Variants in RANBP3L observed in about 807,000 individuals in gnomAD.
RANBP3L encodes the protein ran-binding protein 3-like.
In RANBP3L, 56 loss-of-function variants were observed where a neutral mutation model predicts 67.2. The observed-to-expected ratio is 0.83, with a 90% CI of 0.67 to 1.04. The LOEUF is 1.04. Ranked by LOEUF, RANBP3L falls within the 50% of genes least tolerant of loss-of-function variation. The pLI, the probability that RANBP3L is intolerant of heterozygous loss-of-function variation, is 0.00. For missense variants in RANBP3L, 496 were observed against 535.5 expected (o/e 0.93, Z 0.73); for synonymous variants, 164 against 181.4 (o/e 0.90, Z 0.77).
intron 6 of RANBP3L, among the ~76,000 whole-genome samples, chr5:36,262,949 C>T (rs541095477): frequency 6.6e-6 from 1 of 152,192 alleles, no homozygotes; most frequent in East Asian, 1.9e-4. Flanking sequence ...TTAATCTATA[C>T]ATAGTAAGTA....
At chr5:36,290,258 C>A (rs993102386) in intron 1 of RANBP3L, among the ~76,000 whole-genome samples, 5 of 146,092 alleles carry the variant, frequency 3.4e-5, no homozygotes, top group African/African-American at 1.3e-4. Context: ...CACTCCATTG[C>A]ACAGGCTGGA....
At chr5:36,268,875 A>AT (rs1051344416) in intron 4 of RANBP3L, among the ~76,000 whole-genome samples, 6 of 151,570 alleles carry the variant, frequency 4.0e-5, no homozygotes, top group African/African-American at 7.3e-5. Flanking sequence ...TGCCCAGCTA[A>AT]TTTTTTTTGT....
At chr5:36,287,085 G>A (rs34005569) in intron 1 of RANBP3L, among the ~76,000 whole-genome samples, 3 of 151,824 alleles carry the variant, frequency 2.0e-5, no homozygotes, top group Non-Finnish European at 2.9e-5. Flanking sequence ...AAACTGCCCC[G>A]CCTCAGATCA....
chr5:36,295,305 G>A (rs1178047772), intron 1 of RANBP3L, among the ~76,000 whole-genome samples: 1 of 151,872 alleles, frequency 6.6e-6, no homozygotes, highest in Non-Finnish European at 1.5e-5. Flanking sequence ...CTGAATCATG[G>A]GGGCTGTTAC....
chr5:36,289,686 G>A (rs1751572489), intron 1 of RANBP3L, among the ~76,000 whole-genome samples: 1 of 151,926 alleles, frequency 6.6e-6, no homozygotes, highest in South Asian at 2.1e-4. Context: ...CTTGTTGTCA[G>A]CTAATATATA....
Position 36,269,392 on chromosome 5 carries a change from C to T in RANBP3L, c.266G>A (p.Gly89Glu), listed in dbSNP as rs778125250. The change falls in exon 4 of 14, where the codon GGA becomes GAA. Residue 89 changes from glycine to glutamate, a missense_variant and splice_region_variant. Physicochemically the swap from Gly to Glu is moderately conservative, Grantham distance 98. Coordinates refer to ENST00000296604, the MANE Select transcript of RANBP3L (RefSeq NM_145000.5). ...TCAACAGTCAAGGCTATACATACCTCCCTGGGACTGAGAATCTGTAATATG... is the reference window on the plus strand; with the variant it reads ...TCAACAGTCAAGGCTATACATACCTTCCTGGGACTGAGAATCTGTAATATG... Reference protein sequence around the residue: ...TFHITDSQSQGVRKNNVFMTS... With the variant: ...TFHITDSQSQEVRKNNVFMTS... 3 of 1,534,672 alleles carry T rather than the reference C, an allele frequency of 2.0e-6. No individual in the cohort carries two copies. Among genetic ancestry groups the T allele is most frequent in the South Asian group, 1.1e-5 (1 of 89,266 alleles).
intron 1 of RANBP3L, among the ~76,000 whole-genome samples, chr5:36,274,751 C>T (rs1225610897): frequency 6.6e-6 from 1 of 151,946 alleles, no homozygotes; most frequent in African/African-American, 2.4e-5. Context: ...TCACCCCTCC[C>T]GCGGTGATGA....
chr5:36,265,272 C>A (rs1162100740), intron 5 of RANBP3L, among the ~76,000 whole-genome samples, 174 bp from the exon 6 acceptor site: 1 of 152,188 alleles, frequency 6.6e-6, no homozygotes, highest in African/African-American at 2.4e-5. Flanking sequence ...CCCTGCCTAG[C>A]TTTTGCCCAA....
rs1449514717 is a variant in RANBP3L at position 36,257,537 on chromosome 5, T to C, written c.689A>G (p.Gln230Arg). The C allele has an allele frequency of 6.3e-7, 1 of 1,575,306 alleles. No individual in the cohort carries two copies. The highest frequency in any genetic ancestry group is 8.7e-7 in the Non-Finnish European group (1 of 1,154,506). The change falls in exon 9 of 14, where the codon CAG (glutamine) becomes CGG (arginine). Residue 230 changes from glutamine to arginine, a missense_variant. Transcript: ENST00000296604. Reference sequence around the variant, plus strand: ...ATATGAATCATTTTCAAGTTGAGGCTGGGTGAGTTTTTGAGTACCCTGAGA... The same window carrying C: ...ATATGAATCATTTTCAAGTTGAGGCCGGGTGAGTTTTTGAGTACCCTGAGA... ...ERVLGTQKLTQPQLENDSYAK... is the reference protein window; with the variant it reads ...ERVLGTQKLTRPQLENDSYAK...
At chr5:36,264,270 T>G (rs75983424) in intron 6 of RANBP3L, among the ~76,000 whole-genome samples, 131 of 152,338 alleles carry the variant, frequency 8.6e-4, no homozygotes, top group African/African-American at 3.1e-3. Context: ...ATGGCTAAGA[T>G]GGAATAACTC....
intron 1 of RANBP3L, among the ~76,000 whole-genome samples, chr5:36,272,473 T>C (rs1750288924): frequency 1.3e-5 from 2 of 152,208 alleles, no homozygotes; most frequent in African/African-American, 4.8e-5. Context: ...TATACAACTT[T>C]TAAATGCCAG....
Position 36,273,640 on chromosome 5 carries a change from T to C in RANBP3L, c.92-2329A>G, listed in dbSNP as rs1031585039. Among the ~76,000 whole-genome samples, 8 of 152,176 alleles carry C rather than the reference T, an allele frequency of 5.3e-5. 1 individual carries two copies. Among genetic ancestry groups the C allele is most frequent in the Admixed American group, 5.2e-4 (8 of 15,284 alleles). On this transcript the variant is annotated intron_variant, in intron 1 of 13. Coordinates refer to ENST00000296604, the MANE Select transcript of RANBP3L (RefSeq NM_145000.5). ...CCAAAGACTGAGTCAAAAGTAAGCA[T>C]TTGTCAAGCCATTGGGTCTACAGCA...
chr5:36,298,366 C>T (rs762789946), intron 1 of RANBP3L, among the ~76,000 whole-genome samples: 5 of 151,164 alleles, frequency 3.3e-5, no homozygotes, highest in Admixed American at 2.0e-4. Context: ...ACAGAAGTGT[C>T]GAATGTCAAT....
chr5:36,277,277 C>G (rs1425266233), intron 1 of RANBP3L, among the ~76,000 whole-genome samples: 1 of 152,054 alleles, frequency 6.6e-6, no homozygotes, highest in Admixed American at 6.6e-5. Context: ...ATGTCCCTGT[C>G]TTCTCACCCT....
chr5:36,253,854 A>G, intron 11 of RANBP3L, 65 bp from the exon 12 acceptor site: 1 of 1,484,288 alleles, frequency 6.7e-7, no homozygotes, highest in Non-Finnish European at 9.1e-7. Context: ...TACCATTTTC[A>G]AAAGCAAAAT....
At chr5:36,261,197 C>G (rs1749359993) in intron 7 of RANBP3L, among the ~76,000 whole-genome samples, 1 of 152,184 alleles carries the variant, frequency 6.6e-6, no homozygotes, top group Admixed American at 6.5e-5. Flanking sequence ...CCCCTCTTCT[C>G]TTCCTCAAGT....
chr5:36,282,209 C>T (rs1190137884), intron 1 of RANBP3L, among the ~76,000 whole-genome samples: 1 of 152,154 alleles, frequency 6.6e-6, no homozygotes, highest in African/African-American at 2.4e-5. Context: ...GTCTCTGCTT[C>T]GCTGAGGGAG....
chr5:36,290,549 G>T (rs1020556699), intron 1 of RANBP3L, among the ~76,000 whole-genome samples: 20 of 152,026 alleles, frequency 1.3e-4, no homozygotes, highest in Non-Finnish European at 2.2e-4. Context: ...CTAGGTAGGG[G>T]TTTATTAATT....
chr5:36,277,398 ATCTCTCTCTC>A (rs746299512), intron 1 of RANBP3L, among the ~76,000 whole-genome samples: 1 of 100,460 alleles, frequency 1.0e-5, no homozygotes, highest in Non-Finnish European at 1.9e-5. Context: ...CAGCTTTTTC[ATCTCTCTCTC>A]TCTCTCTCTC....
Sources: gnomAD v4.1 joint callset for allele counts (sites outside exome capture counted in the v4.1 genomes callset) on GRCh38, gnomAD v4.1.1 for gene constraint, MANE v1.5 for transcripts, NCBI Gene and HGNC (gene_info 2026-07-23, HGNC 2026-07-21) for gene names.